KHDRBS1: variants seen among roughly 807,000 people sequenced by gnomAD.
The protein encoded by KHDRBS1 is KH RNA binding domain containing, signal transduction associated 1, also known as KH domain-containing, RNA-binding, signal transduction-associated protein 1.
Under a neutral mutation model 48.4 loss-of-function variants are expected in KHDRBS1, and 7 were observed. That is an observed-to-expected ratio of 0.14 (90% CI 0.08 to 0.27). The LOEUF is 0.27. Among genes scored for constraint, KHDRBS1 ranks in the 10% least tolerant of loss-of-function variants. The pLI, the probability that KHDRBS1 is intolerant of heterozygous loss-of-function variation, is 1.00. For missense variants in KHDRBS1, 458 were observed against 601.2 expected, an observed-to-expected ratio of 0.76 and a Z score of 2.49; for synonymous variants, 241 against 235.8, an observed-to-expected ratio of 1.02 and a Z score of -0.20.
intron 10 of KHDRBS1, among the ~76,000 whole-genome samples, chr1:32,058,690 C>T (rs1639509477): frequency 1.3e-5 from 2 of 152,152 alleles, no homozygotes; most frequent in South Asian, 2.1e-4. Context: ...GTAATCCCAG[C>T]TGCTCGGGAG....
At chr1:32,025,959 G>T (rs1212313824) in intron 1 of KHDRBS1, among the ~76,000 whole-genome samples, 1 of 146,780 alleles carries the variant, frequency 6.8e-6, no homozygotes, top group Non-Finnish European at 1.5e-5. Flanking sequence ...ATTTATTTTT[G>T]GTAGAGACAG....
chr1:32,036,197 A>C (rs1569800913), intron 4 of KHDRBS1, among the ~76,000 whole-genome samples: 1 of 94,920 alleles, frequency 1.1e-5, no homozygotes. Context: ...TTTGAGATGG[A>C]GTCTCTCTCT....
At chr1:32,057,584 A>G (rs1639493792) in intron 10 of KHDRBS1, among the ~76,000 whole-genome samples, 1 of 139,216 alleles carries the variant, frequency 7.2e-6, no homozygotes, top group Non-Finnish European at 1.5e-5. Context: ...GCGGATCACG[A>G]GGTCAGGAGT....
intron 1 of KHDRBS1, among the ~76,000 whole-genome samples, chr1:32,026,947 ACCACG>A (rs1244788604): frequency 1.3e-5 from 2 of 152,140 alleles, no homozygotes; most frequent in Non-Finnish European, 2.9e-5. Context: ...GGTGCACACC[ACCACG>A]CCTGGCTAAT....
chr1:32,030,605 G>A (rs543872653), intron 2 of KHDRBS1, among the ~76,000 whole-genome samples, 183 bp downstream of exon 2: 1 of 152,158 alleles, frequency 6.6e-6, no homozygotes, highest in South Asian at 2.1e-4. Context: ...TAATAACATA[G>A]CTATAGCCAG....
chr1:32,041,111 C>T (rs149936162), intron 8 of KHDRBS1, among the ~76,000 whole-genome samples: 9 of 152,200 alleles, frequency 5.9e-5, no homozygotes, highest in East Asian at 3.9e-4. Context: ...GCTCCTGATA[C>T]GACGTTGCCA....
At position 32,038,533 on chromosome 1, in the gene KHDRBS1, T is replaced by TTTG. The variant is rs769552493; in HGVS notation, c.1108-7_1108-5dup. Reference sequence around the variant, plus strand: ...TGATTTTGATCTTTTATTTCATTTTTTTGTTGTTGTTGTTCTAGGGATATG... The same window carrying TTTG: ...TGATTTTGATCTTTTATTTCATTTTTTTGTTGTTGTTGTTGTTCTAGGGATATG... On this transcript the variant is annotated intron_variant, in intron 6 of 8. Coordinates refer to ENST00000327300, the MANE Select transcript of KHDRBS1 (RefSeq NM_006559.3). The TTTG allele has an allele frequency of 5.6e-6, 9 of 1,611,722 alleles. No individual in the cohort carries two copies. The highest frequency in any genetic ancestry group is 4.5e-5 in the East Asian group (2 of 44,852).
At chr1:32,030,227 T>TA (rs1639055790) in intron 1 of KHDRBS1, 71 bp from the exon 2 acceptor site, 1 of 1,315,418 alleles carries the variant, frequency 7.6e-7, no homozygotes, top group African/African-American at 1.5e-5. Flanking sequence ...TATTCCATGT[T>TA]ATTGCTTTAA....
At chr1:32,035,299 G>A (rs1056121595) in intron 4 of KHDRBS1, among the ~76,000 whole-genome samples, 7 of 152,092 alleles carry the variant, frequency 4.6e-5, no homozygotes, top group Middle Eastern at 3.2e-3. Context: ...TCTGAGCAAT[G>A]GTCTGGCATT....
At chr1:32,037,443 C>CAAAA (rs1426963678) in intron 5 of KHDRBS1, among the ~76,000 whole-genome samples, 1 of 125,746 alleles carries the variant, frequency 8.0e-6, no homozygotes, top group African/African-American at 2.9e-5. Context: ...GACTCCATTT[C>CAAAA]AAAAAAAAAA....
At chr1:32,050,687 T>C (rs1277040206) in intron 10 of KHDRBS1, among the ~76,000 whole-genome samples, 3 of 151,922 alleles carry the variant, frequency 2.0e-5, no homozygotes, top group Non-Finnish European at 2.9e-5. Flanking sequence ...TAATTTTTTT[T>C]ATTTTTTAGT....
At chr1:32,046,365 C>T (rs548013219), downstream of KHDRBS1, among the ~76,000 whole-genome samples, 11 of 152,220 alleles carry the variant, frequency 7.2e-5, no homozygotes, top group South Asian at 2.3e-3. Context: ...AGGCACCTGC[C>T]ACCACGCCTG....
chr1:32,031,054 G>C (rs986248394), intron 2 of KHDRBS1, among the ~76,000 whole-genome samples: 1 of 152,086 alleles, frequency 6.6e-6, no homozygotes, highest in Non-Finnish European at 1.5e-5. Flanking sequence ...TTCAAGACCA[G>C]CCTGAGCAAC....
intron 10 of KHDRBS1, among the ~76,000 whole-genome samples, chr1:32,051,947 T>C (rs1012544779): frequency 6.6e-6 from 1 of 152,250 alleles, no homozygotes; most frequent in African/African-American, 2.4e-5. Context: ...GGCTGCTGTT[T>C]GCTGGCAGTA....
intron 10 of KHDRBS1, among the ~76,000 whole-genome samples, chr1:32,056,296 G>A (rs1170970024): frequency 6.6e-6 from 1 of 151,904 alleles, no homozygotes; most frequent in Non-Finnish European, 1.5e-5. Flanking sequence ...TTGGGGGTGG[G>A]GGCGGGGGTT....
Position 32,036,896 on chromosome 1 carries a change from T to A in KHDRBS1, c.772-14T>A. ...TAGATACCACACAATACTCCTTGTA[T>A]CTTTCGTTCCCAGGATATGATGGAT... On this transcript the variant is annotated splice_polypyrimidine_tract_variant and intron_variant, in intron 4 of 8. Coordinates refer to ENST00000327300, the MANE Select transcript of KHDRBS1 (RefSeq NM_006559.3). 1 of 1,610,186 alleles carries A rather than the reference T, an allele frequency of 6.2e-7. No homozygotes were observed. The highest frequency in any genetic ancestry group is 8.5e-7 in the Non-Finnish European group (1 of 1,177,846).
At chr1:32,038,194 A>T in intron 6 of KHDRBS1, 158 bp downstream of exon 6, 1 of 1,206,208 alleles carries the variant, frequency 8.3e-7, no homozygotes, top group Non-Finnish European at 1.1e-6. Flanking sequence ...CTATTAGAAG[A>T]TTTTTCCATT....
At chr1:32,058,320 A>G (rs1330961893) in intron 10 of KHDRBS1, among the ~76,000 whole-genome samples, 1 of 152,012 alleles carries the variant, frequency 6.6e-6, no homozygotes, top group Admixed American at 6.6e-5. Flanking sequence ...TCTGGCCTCA[A>G]GCAATCTGGC....
chr1:32,013,974 C>T lies in KHDRBS1; in HGVS notation c.-22C>T, dbSNP rs1467608258. Reference sequence around the variant, plus strand: ...TCGCTGCCGCGTCGCTTTCTCGCTCCTTGGATCGCACATCCTCCCAGATGC... The same window carrying T: ...TCGCTGCCGCGTCGCTTTCTCGCTCTTTGGATCGCACATCCTCCCAGATGC... On this transcript the variant is annotated 5_prime_UTR_variant, in exon 1 of 9. Coordinates refer to ENST00000327300, the MANE Select transcript of KHDRBS1 (RefSeq NM_006559.3). 2.0e-6 allele frequency: 3 copies of T among 1,473,106 alleles called. No homozygotes were observed. The highest frequency in any genetic ancestry group is 2.7e-6 in the Non-Finnish European group (3 of 1,121,758). The allele number at this position is 1,473,106 out of a possible 1,614,324, so 91.3% of individuals were successfully genotyped here. A position where few individuals can be genotyped will look rare whatever the true frequency, so the allele number is the denominator to read the frequency against.
Sources: allele counts gnomAD v4.1 joint callset (sites outside exome capture counted in the v4.1 genomes callset), GRCh38; gene constraint gnomAD v4.1.1; transcripts MANE v1.5; gene names NCBI Gene and HGNC (gene_info 2026-07-23, HGNC 2026-07-21).